The following ATAD2B variants were observed in gnomAD, a reference collection of about 807,000 sequenced individuals.
ATAD2B encodes ATPase family AAA domain containing 2B, also known as ATPase family AAA domain-containing protein 2B.
A neutral mutation model predicts 167.6 loss-of-function variants in ATAD2B; 40 were observed. The ratio of observed to expected loss-of-function variants is 0.24; its 90% CI spans 0.19 to 0.31. The LOEUF is 0.31. ATAD2B is among the 10% of genes least tolerant of loss of function. ATAD2B has a pLI of 1.00. For synonymous variants in ATAD2B, 579 were observed against 596.5 expected (o/e 0.97, Z 0.43); for missense variants, 1,242 against 1,757.2 (o/e 0.71, Z 5.24).
chr2:23,688,517 T>C, the ATAD2B span, among the ~76,000 whole-genome samples: 101 of 152,258 alleles, frequency 6.6e-4, no homozygotes, highest in South Asian at 5.6e-3. Flanking sequence ...AATGGTGGGA[T>C]TGCAAACATT....
chr2:23,738,800 A>G, the ATAD2B span, among the ~76,000 whole-genome samples: 1 of 151,952 alleles, frequency 6.6e-6, no homozygotes, highest in Non-Finnish European at 1.5e-5. Flanking sequence ...ATATTCAGGA[A>G]ACCCATCTCA....
At chr2:23,926,407 T>A in intron 1 of ATAD2B, 148 bp downstream of exon 1, 1 of 1,379,666 alleles carries the variant, frequency 7.2e-7, no homozygotes. Flanking sequence ...CTTCTCTGGG[T>A]GCCACCCTCC....
At chr2:23,890,925 T>TA (rs1334813262) in intron 2 of ATAD2B, among the ~76,000 whole-genome samples, 1 of 152,132 alleles carries the variant, frequency 6.6e-6, no homozygotes, top group East Asian at 1.9e-4. Context: ...CTTATAGTCA[T>TA]AGATTATTGT....
In ATAD2B at chr2:23,767,912, A is replaced by C. The variant is rs73922013; in HGVS notation, c.3134-2284T>G. 3.0e-3 allele frequency among the ~76,000 whole-genome samples: 385 copies of C among 126,816 alleles called. 1 individual carries two copies. Among genetic ancestry groups the C allele is most frequent in the East Asian group, 0.012 (63 of 5,122 alleles). 83.2% of individuals were successfully genotyped at this position (126,816 alleles called of 152,430 possible). A position where few individuals can be genotyped will look rare whatever the true frequency, so the allele number is the denominator to read the frequency against. ...CAAAAACAAACAAAAAACAAACAAAAAAAAAAACAGAATAGAGAGGAAAGG... is the reference window on the plus strand; with the variant it reads ...CAAAAACAAACAAAAAACAAACAAACAAAAAAACAGAATAGAGAGGAAAGG... On this transcript the variant is annotated intron_variant, in intron 22 of 27. Coordinates refer to ENST00000238789, the MANE Select transcript of ATAD2B (RefSeq NM_017552.4).
At chr2:23,873,043 A>G (rs1696250097) in intron 8 of ATAD2B, 2 of 599,996 alleles carry the variant, frequency 3.3e-6, no homozygotes, top group East Asian at 5.8e-5. Context: ...CCCTACATCA[A>G]TTTTTGATAC....
chr2:23,719,062 T>C, the ATAD2B span, among the ~76,000 whole-genome samples: 4 of 152,150 alleles, frequency 2.6e-5, no homozygotes, highest in Non-Finnish European at 5.9e-5. Flanking sequence ...TGGACATCTT[T>C]GGGGAGTCAT....
chr2:23,790,782 C>G (rs1389437263), intron 19 of ATAD2B, among the ~76,000 whole-genome samples: 1 of 152,240 alleles, frequency 6.6e-6, no homozygotes, highest in East Asian at 1.9e-4. Flanking sequence ...CAAGCTGATG[C>G]TTTCTGTGTG....
chr2:23,781,290 T>C (rs1166947418), intron 22 of ATAD2B, among the ~76,000 whole-genome samples: 1 of 151,792 alleles, frequency 6.6e-6, no homozygotes, highest in East Asian at 1.9e-4. Context: ...TGTCTAATCA[T>C]GTCTAAACAC....
chr2:23,693,270 G>A, the ATAD2B span: 1 of 1,541,422 alleles, frequency 6.5e-7, no homozygotes, highest in Middle Eastern at 2.2e-4. Flanking sequence ...CGCCCCCAGA[G>A]AAGCAGCTGA....
intron 16 of ATAD2B, among the ~76,000 whole-genome samples, chr2:23,821,860 G>A (rs1392348810): frequency 6.6e-6 from 1 of 151,880 alleles, no homozygotes; most frequent in Non-Finnish European, 1.5e-5. Context: ...CACCATGTTG[G>A]CCAGGCTGGT....
intron 23 of ATAD2B, 148 bp from the exon 24 acceptor site, chr2:23,762,494 T>C: frequency 1.4e-6 from 1 of 692,166 alleles, no homozygotes; most frequent in Non-Finnish European, 2.2e-6. Context: ...GCAGTGTCTT[T>C]TGTTTTAAGA....
intron 15 of ATAD2B, among the ~76,000 whole-genome samples, chr2:23,826,710 G>C (rs1688313818): frequency 6.6e-6 from 1 of 152,106 alleles, no homozygotes; most frequent in South Asian, 2.1e-4. Flanking sequence ...CTCTTTCATT[G>C]TTTTAGCCCT....
chr2:23,818,591 G>A (rs1420591666), intron 17 of ATAD2B, among the ~76,000 whole-genome samples: 1 of 152,016 alleles, frequency 6.6e-6, no homozygotes, highest in Non-Finnish European at 1.5e-5. Flanking sequence ...ACAAGAAAGG[G>A]TTATCAATGC....
intron 1 of ATAD2B, among the ~76,000 whole-genome samples, chr2:23,905,496 C>T (rs1701362419): frequency 6.6e-6 from 1 of 152,082 alleles, no homozygotes; most frequent in African/African-American, 2.4e-5. Context: ...TGCACTCCAG[C>T]TTGGGTGACA....
chr2:23,739,225 A>AC, the ATAD2B span, among the ~76,000 whole-genome samples: 1 of 152,280 alleles, frequency 6.6e-6, no homozygotes. Context: ...AGAACTCTCC[A>AC]CCCCAAATCA....
the ATAD2B span, among the ~76,000 whole-genome samples, chr2:23,736,815 G>T: frequency 6.6e-6 from 1 of 152,152 alleles, no homozygotes; most frequent in Non-Finnish European, 1.5e-5. Flanking sequence ...GTGACAGACA[G>T]CACCTGGAAA....
intron 1 of ATAD2B, among the ~76,000 whole-genome samples, chr2:23,924,187 A>AAAAC (rs1227728970): frequency 2.0e-5 from 3 of 152,244 alleles, no homozygotes; most frequent in African/African-American, 4.8e-5. Context: ...GTCTCAAAAA[A>AAAAC]AAACAAACAA....
intron 1 of ATAD2B, among the ~76,000 whole-genome samples, chr2:23,897,562 T>C (rs192229105): frequency 6.6e-6 from 1 of 152,342 alleles, no homozygotes; most frequent in Non-Finnish European, 1.5e-5. Context: ...CCCAAATTCA[T>C]TTATTCATTT....
chr2:23,795,508 C>G (rs1165740887), intron 19 of ATAD2B, among the ~76,000 whole-genome samples: 3 of 152,150 alleles, frequency 2.0e-5, no homozygotes, highest in Non-Finnish European at 4.4e-5. Context: ...CTACAACTCT[C>G]TGTGCTACTC....
Sources: allele counts gnomAD v4.1 joint callset (sites outside exome capture counted in the v4.1 genomes callset), GRCh38; gene constraint gnomAD v4.1.1; transcripts MANE v1.5; gene names NCBI Gene and HGNC (gene_info 2026-07-23, HGNC 2026-07-21).